VIRMA: variants seen among roughly 807,000 people sequenced by gnomAD.
The protein encoded by VIRMA is vir like m6A methyltransferase associated.
In VIRMA, 65 loss-of-function variants were observed where a neutral mutation model predicts 182.4. The ratio of observed to expected loss-of-function variants is 0.36; its 90% confidence interval spans 0.29 to 0.44. VIRMA has a LOEUF of 0.44. Ranked by LOEUF, VIRMA falls within the 20% of genes least tolerant of loss-of-function variation. The probability of loss-of-function intolerance (pLI) is 1.00; values close to 1 mark genes in which losing one functional copy is unlikely to be tolerated. For synonymous variants in VIRMA, 709 were observed against 743.1 expected, an observed-to-expected ratio of 0.95 and a Z score of 0.75; for missense variants, 1,752 against 2,158.1, an observed-to-expected ratio of 0.81 and a Z score of 3.73.
Position 94,543,863 on chromosome 8 carries a change from C to T in VIRMA, c.143G>A (p.Arg48Lys). ...NEVRVIPPGV[R>K]AHSSLPDNRA... ...ATTGTCTGGCAGACTGCTATGGGCT[C>T]TTACTCCTGGGGGTATGACTCGGAC... The change falls in exon 2 of 24, where the codon AGA (arginine) becomes AAA (lysine). Residue 48 changes from arginine (R) to lysine (K), a missense_variant. Coordinates refer to ENST00000297591, the MANE Select transcript of VIRMA (RefSeq NM_015496.5). 6.2e-7 allele frequency: 1 copy of T among 1,612,062 alleles called. No individual in the cohort carries two copies. The highest frequency in any genetic ancestry group is 8.5e-7 in the Non-Finnish European group (1 of 1,178,526).
At chr8:94,509,582 C>T (rs188647021) in intron 15 of VIRMA, 106 bp downstream of exon 15, 11 of 1,135,798 alleles carry the variant, frequency 9.7e-6, no homozygotes, top group African/African-American at 9.5e-5. Flanking sequence ...ACATAGATGA[C>T]AGCTGTTCAT....
intron 16 of VIRMA, among the ~76,000 whole-genome samples, chr8:94,502,916 C>T (rs1814042691): frequency 6.6e-6 from 1 of 151,720 alleles, no homozygotes; most frequent in Admixed American, 6.6e-5. Context: ...CTGAAAGATC[C>T]CTAGTGGCCA....
chr8:94,492,059 C>A (rs1813620221), intron 21 of VIRMA, 150 bp from the exon 22 acceptor site: 1 of 571,828 alleles, frequency 1.7e-6, no homozygotes. Context: ...GATAATATAA[C>A]AAACTAGCTA....
intron 1 of VIRMA, among the ~76,000 whole-genome samples, chr8:94,550,096 T>TAA (rs79930556): frequency 6.4e-4 from 84 of 130,354 alleles, no homozygotes; most frequent in African/African-American, 1.2e-3. Flanking sequence ...GACCTAGTCT[T>TAA]AAAAAAAAAA....
In VIRMA at chr8:94,506,735, A is replaced by C; in HGVS notation, c.3880-18T>G. On this transcript the variant is annotated intron_variant, in intron 15 of 23. Coordinates refer to ENST00000297591, the MANE Select transcript of VIRMA (RefSeq NM_015496.5). ...GCAATGTCCTGTGGGGAGCAGGGAA[A>C]AAAAAATCGATTTTTTAAATAATTA... 1.3e-6 allele frequency: 2 copies of C among 1,546,178 alleles called. No homozygotes were observed. Among genetic ancestry groups the C allele is most frequent in the Non-Finnish European group, 1.8e-6 (2 of 1,131,328 alleles).
intron 1 of VIRMA, among the ~76,000 whole-genome samples, chr8:94,550,763 G>A (rs555558401): frequency 4.5e-4 from 68 of 152,154 alleles, no homozygotes; most frequent in African/African-American, 1.6e-3. Flanking sequence ...CTGTCGCACA[G>A]GCTGGAGTGC....
At chr8:94,530,358 G>A (rs887751793) in intron 6 of VIRMA, among the ~76,000 whole-genome samples, 1 of 151,794 alleles carries the variant, frequency 6.6e-6, no homozygotes, top group Non-Finnish European at 1.5e-5. Flanking sequence ...TTAGCCAGGC[G>A]TGGTGGTATA....
intron 2 of VIRMA, among the ~76,000 whole-genome samples, chr8:94,543,380 A>G (rs1053722938): frequency 1.4e-5 from 2 of 145,144 alleles, no homozygotes; most frequent in Admixed American, 6.9e-5. Context: ...CAGCCTGGAC[A>G]ACAGGAGCAA....
At chr8:94,529,553 CCTTT>C (rs1401872751) in intron 6 of VIRMA, among the ~76,000 whole-genome samples, 3 of 151,940 alleles carry the variant, frequency 2.0e-5, no homozygotes, top group African/African-American at 4.8e-5. Flanking sequence ...TAAGCCATTC[CCTTT>C]CTTTTTAGCT....
At chr8:94,520,085 T>C (rs10086311) in intron 8 of VIRMA, among the ~76,000 whole-genome samples, 6,047 of 150,820 alleles carry the variant, frequency 0.04, 131 homozygotes, top group Non-Finnish European at 0.05. Context: ...GTGGCGCATG[T>C]CTGTAGTCTC....
At chr8:94,511,950 T>A (rs1190720794) in intron 12 of VIRMA, 46 bp downstream of exon 12, 4 of 1,087,066 alleles carry the variant, frequency 3.7e-6, no homozygotes, top group Admixed American at 2.5e-5. Context: ...TGATATTTAT[T>A]CTAGGCTTAA....
intron 1 of VIRMA, among the ~76,000 whole-genome samples, chr8:94,550,124 G>A (rs1489178447): frequency 1.3e-5 from 2 of 151,388 alleles, no homozygotes; most frequent in Non-Finnish European, 2.9e-5. Flanking sequence ...CTGATGGAAG[G>A]ACCAGAGATG....
intron 8 of VIRMA, among the ~76,000 whole-genome samples, chr8:94,521,985 C>T (rs1814786770): frequency 6.6e-6 from 1 of 152,110 alleles, no homozygotes; most frequent in Non-Finnish European, 1.5e-5. Context: ...AGAGGATTCC[C>T]GCACCCCTAA....
chr8:94,539,775 T>A (rs1018443634), intron 2 of VIRMA, among the ~76,000 whole-genome samples: 1 of 152,202 alleles, frequency 6.6e-6, no homozygotes, highest in African/African-American at 2.4e-5. Context: ...GCAAGCCTAA[T>A]AAGACATGAC....
At chr8:94,507,910 T>TGTATATATATGTATATATGTATATAC (rs1563461518) in intron 15 of VIRMA, among the ~76,000 whole-genome samples, 2 of 148,444 alleles carry the variant, frequency 1.3e-5, no homozygotes, top group Non-Finnish European at 3.0e-5. Context: ...TATGTATATA[T>TGTATATATATGTATATATGTATATAC]GTATGTGTAT....
rs1813892539 is a variant in VIRMA at position 94,499,376 on chromosome 8, T to C, written c.4228A>G (p.Ile1410Val). The C allele has an allele frequency of 1.3e-6, 2 of 1,552,100 alleles. No individual in the cohort carries two copies. Among genetic ancestry groups the C allele is most frequent in the South Asian group, 1.2e-5 (1 of 86,094 alleles). The change falls in exon 17 of 24, where the codon ATT becomes GTT. Residue 1410 changes from isoleucine to valine, a missense_variant and splice_region_variant. Around this residue, in one of 11 missense-constraint regions of VIRMA, gnomAD observed 777 missense variants for 920.6 expected, o/e 0.84. Coordinates refer to ENST00000297591, the MANE Select transcript of VIRMA (RefSeq NM_015496.5). ...FMRQILNSDT[I>V]GCCGDDNGLM... ...AACACAAACACACACATACTTACAA[T>C]TGTGTCAGAGTTAAGAATTTGTCTC... is the stretch of plus-strand genomic sequence containing the variant.
Position 94,527,349 on chromosome 8 carries a change from C to A in VIRMA, c.895G>T (p.Glu299Ter). Residue 299 changes from glutamate to a stop codon, truncating the protein, a stop_gained, in exon 8 of 24, where the codon GAA becomes TAA. Transcript: ENST00000297591. LOFTEE classifies it high-confidence loss of function. ...DEEGEGDDGY[E>*]QISSDEDGIA... ...CCATCTTCATCACTGGAAATTTGTT[C>A]ATAACCATCATCCCCTGAAAATTAG... is the stretch of plus-strand genomic sequence containing the variant. 6.4e-7 allele frequency: 1 copy of A among 1,570,002 alleles called. No individual in the cohort carries two copies. The highest frequency in any genetic ancestry group is 1.2e-5 in the South Asian group (1 of 84,552).
chr8:94,537,119 A>T lies in VIRMA; in HGVS notation c.299T>A (p.Phe100Tyr). 1.2e-6 allele frequency: 2 copies of T among 1,604,838 alleles called. No individual in the cohort carries two copies. Among genetic ancestry groups the T allele is most frequent in the Non-Finnish European group, 1.7e-6 (2 of 1,171,572 alleles). Residue 100 changes from phenylalanine (F) to tyrosine (Y), a missense_variant, in exon 4 of 24, where the codon TTT becomes TAT. By Grantham distance (22) the Phe-to-Tyr change is conservative. Around this residue, in one of 11 missense-constraint regions of VIRMA, gnomAD observed 195 missense variants for 191.7 expected, o/e 1.02. Coordinates refer to ENST00000297591, the MANE Select transcript of VIRMA (RefSeq NM_015496.5). ...LEYDENTSII[F>Y]RPNSKVNTDG... ...CAGAATTACCTTTGAGTTAGGTCTA[A>T]AGATGATGGAAGTATTCTCATCATA...
chr8:94,527,106 C>T lies in VIRMA; in HGVS notation c.1138G>A (p.Glu380Lys), dbSNP rs991678333. 3.7e-6 allele frequency: 6 copies of T among 1,614,152 alleles called. No homozygotes were observed. Among genetic ancestry groups the T allele is most frequent in the Middle Eastern group, 1.6e-4 (1 of 6,062 alleles). The change falls in exon 8 of 24, where the codon GAA becomes AAA. Residue 380 changes from glutamate (E) to lysine (K), a missense_variant. This residue lies in a region of VIRMA where 401 missense variants were observed against 455.1 expected (regional missense o/e 0.88). Transcript: ENST00000297591. ...GPDKENSGAIEASVKLTELLD... is the reference protein window; with the variant it reads ...GPDKENSGAIKASVKLTELLD... ...AGTTCTGTTAACTTCACTGAGGCTT[C>T]GATTGCCCCTGAATTTTCTTTATCT...
Sources: allele counts gnomAD v4.1 joint callset (sites outside exome capture counted in the v4.1 genomes callset), GRCh38; gene constraint gnomAD v4.1.1; regional missense constraint gnomAD v4.1.1; transcripts MANE v1.5; gene names NCBI Gene and HGNC (gene_info 2026-07-23, HGNC 2026-07-21).